The following C5orf34 variants were observed in gnomAD, a reference collection of about 807,000 sequenced individuals.
C5orf34 encodes chromosome 5 open reading frame 34.
In C5orf34, 73 loss-of-function variants were observed where a neutral mutation model predicts 78.4. The ratio of observed to expected loss-of-function variants is 0.93; its 90% confidence interval spans 0.77 to 1.13. C5orf34 has a LOEUF of 1.13. Ranked by LOEUF, C5orf34 falls within the 50% of genes most tolerant of loss-of-function variation. The pLI is 0.00. For missense variants in C5orf34, 730 were observed against 732.7 expected (o/e 1.00, Z 0.04); for synonymous variants, 251 against 246.6 (o/e 1.02, Z -0.17).
At chr5:43,489,578 C>T (rs1745197861) in intron 11 of C5orf34, among the ~76,000 whole-genome samples, 2 of 152,078 alleles carry the variant, frequency 1.3e-5, no homozygotes, top group Non-Finnish European at 2.9e-5. Context: ...TACAATTTTC[C>T]TTCCATCACA....
chr5:43,498,908 G>T (rs1745650332), intron 6 of C5orf34, among the ~76,000 whole-genome samples: 1 of 152,068 alleles, frequency 6.6e-6, no homozygotes, highest in Non-Finnish European at 1.5e-5. Flanking sequence ...TCTATGTTTT[G>T]GCCTACCAAA....
At chr5:43,511,822 T>G (rs1746272923) in intron 1 of C5orf34, among the ~76,000 whole-genome samples, 1 of 152,152 alleles carries the variant, frequency 6.6e-6, no homozygotes, top group Non-Finnish European at 1.5e-5. Flanking sequence ...AACAGATGCT[T>G]GAAGGCAGCA....
chr5:43,493,993 A>G (rs1561208354), intron 7 of C5orf34, among the ~76,000 whole-genome samples: 2 of 152,184 alleles, frequency 1.3e-5, no homozygotes, highest in Admixed American at 6.5e-5. Context: ...GCTTCTTCAA[A>G]TCTATTTTGG....
chr5:43,490,832 A>G, intron 10 of C5orf34, 103 bp from the exon 11 acceptor site: 1 of 634,230 alleles, frequency 1.6e-6, no homozygotes, highest in Non-Finnish European at 2.6e-6. Context: ...AAAAGGATAA[A>G]GAAAAAATGT....
At chr5:43,496,549 G>C in intron 6 of C5orf34, 1 of 914,488 alleles carries the variant, frequency 1.1e-6, no homozygotes, top group Non-Finnish European at 1.6e-6. Context: ...TAAAAATATA[G>C]AATTACTCCT....
In C5orf34 at chr5:43,486,910, A is replaced by G; in HGVS notation, c.*5T>C. 1 of 1,490,952 alleles carries G rather than the reference A, an allele frequency of 6.7e-7. No homozygotes were observed. Among genetic ancestry groups the G allele is most frequent in the Non-Finnish European group, 8.9e-7 (1 of 1,118,596 alleles). The allele number at this position is 1,490,952 out of a possible 1,614,324, so 92.4% of individuals were successfully genotyped here. A position where few individuals can be genotyped will look rare whatever the true frequency, so the allele number is the denominator to read the frequency against. On this transcript the variant is annotated 3_prime_UTR_variant, in exon 13 of 13. Coordinates refer to ENST00000306862, the MANE Select transcript of C5orf34 (RefSeq NM_198566.4). Reference sequence around the variant, plus strand: ...TTTAATAATATGTTGTAATAATTCCATTTTTCACTTTTTAGAGTTTGATAG... The same window carrying G: ...TTTAATAATATGTTGTAATAATTCCGTTTTTCACTTTTTAGAGTTTGATAG...
At chr5:43,495,663 G>A (rs911693586) in intron 6 of C5orf34, 51 of 1,581,334 alleles carry the variant, frequency 3.2e-5, no homozygotes, top group African/African-American at 1.5e-4. Flanking sequence ...GTCTCCACTC[G>A]GCCAACAGGA....
chr5:43,496,250 G>A (rs537839817), intron 6 of C5orf34: 26 of 1,580,628 alleles, frequency 1.6e-5, no homozygotes, highest in Admixed American at 3.3e-5. Flanking sequence ...GTGATACCAC[G>A]TTCACGCTCA....
intron 12 of C5orf34, 43 bp downstream of exon 12, chr5:43,487,866 A>C: frequency 7.0e-7 from 1 of 1,434,034 alleles, no homozygotes; most frequent in Non-Finnish European, 9.7e-7. Context: ...CTAGAATGAA[A>C]GAGAGTAATT....
intron 6 of C5orf34, among the ~76,000 whole-genome samples, chr5:43,496,854 G>A (rs756624200): frequency 5.9e-5 from 9 of 152,022 alleles, no homozygotes; most frequent in Non-Finnish European, 1.2e-4. Flanking sequence ...ACAGGCATGA[G>A]CCACTGTGCC....
chr5:43,505,728 A>C lies in C5orf34; in HGVS notation c.932+20T>G, dbSNP rs1485703874. ...GGTTCTGATAAAAAGCTTCATGACC[A>C]ATAGCCATTACTGCATTACCTGTGT... On this transcript the variant is annotated intron_variant, in intron 4 of 12. Coordinates refer to ENST00000306862, the MANE Select transcript of C5orf34 (RefSeq NM_198566.4). 1 of 1,521,444 alleles carries C rather than the reference A, an allele frequency of 6.6e-7. No individual in the cohort carries two copies. The highest frequency in any genetic ancestry group is 2.3e-5 in the East Asian group (1 of 43,960). 94.2% of individuals were successfully genotyped at this position (1,521,444 alleles called of 1,614,324 possible). A position where few individuals can be genotyped will look rare whatever the true frequency, so the allele number is the denominator to read the frequency against.
intron 9 of C5orf34, among the ~76,000 whole-genome samples, 162 bp downstream of exon 9, chr5:43,492,558 A>G (rs1745325840): frequency 6.6e-6 from 1 of 152,216 alleles, no homozygotes; most frequent in Non-Finnish European, 1.5e-5. Flanking sequence ...TATTTGTCAA[A>G]TCATTCTGAT....
At chr5:43,499,354 A>T (rs990991571) in intron 6 of C5orf34, among the ~76,000 whole-genome samples, 7 of 152,098 alleles carry the variant, frequency 4.6e-5, no homozygotes, top group East Asian at 1.9e-4. Flanking sequence ...TTCCTTCAGG[A>T]GTTGTTTCTG....
At chr5:43,495,118 A>G (rs1037556278) in intron 6 of C5orf34, 1 of 1,584,888 alleles carries the variant, frequency 6.3e-7, no homozygotes, top group Non-Finnish European at 8.7e-7. Context: ...TGACCTTGCC[A>G]CCTCCAGCAG....
intron 3 of C5orf34, among the ~76,000 whole-genome samples, chr5:43,507,598 C>T (rs984983337): frequency 3.3e-5 from 5 of 152,054 alleles, no homozygotes; most frequent in Non-Finnish European, 5.9e-5. Context: ...TCCTTTGCCA[C>T]GAGACAATAT....
intron 1 of C5orf34, among the ~76,000 whole-genome samples, chr5:43,509,966 G>C (rs1240730650): frequency 6.6e-6 from 1 of 152,078 alleles, no homozygotes; most frequent in Non-Finnish European, 1.5e-5. Flanking sequence ...TATTGGTCAG[G>C]CTGGTCTGGA....
At position 43,486,793 on chromosome 5, in the gene C5orf34, G is replaced by T. The variant is rs531304003; in HGVS notation, c.*122C>A. 105 of 450,566 alleles carry T rather than the reference G, an allele frequency of 2.3e-4. No homozygotes were observed. Among genetic ancestry groups the T allele is most frequent in the Non-Finnish European group, 3.8e-4 (99 of 258,140 alleles). 27.9% of individuals were successfully genotyped at this position (450,566 alleles called of 1,614,324 possible). On this transcript the variant is annotated 3_prime_UTR_variant, in exon 13 of 13. Transcript: ENST00000306862. ...AAAATACCTTCAAAGTTAAATGTCA[G>T]TTCTTTCACAATCATTGTGCCGGGG...
In C5orf34 at chr5:43,492,798, G is replaced by T; in HGVS notation, c.1407C>A (p.Asp469Glu). 6.2e-7 allele frequency: 1 copy of T among 1,613,100 alleles called. No homozygotes were observed. Among genetic ancestry groups the T allele is most frequent in the Non-Finnish European group, 8.5e-7 (1 of 1,179,332 alleles). ...SVGRFLAYSD[D>E]KVHAIFLDGI... is the part of the protein sequence containing the mutation. ...CATCTAAAAAGATAGCATGTACTTT[G>T]TCATCAGAGTAGGCAAGAAATCTTC... Residue 469 changes from aspartate to glutamate, a missense_variant, in exon 9 of 13, where the codon GAC (aspartate) becomes GAA (glutamate). Asp to Glu is a conservative substitution (Grantham distance 45). Transcript: ENST00000306862.
intron 11 of C5orf34, chr5:43,488,214 A>C: frequency 2.2e-6 from 1 of 463,444 alleles, no homozygotes; most frequent in Non-Finnish European, 3.9e-6. Flanking sequence ...ATGTTTGAGG[A>C]TAATGGGCCT....
Sources: allele counts gnomAD v4.1 joint callset (sites outside exome capture counted in the v4.1 genomes callset), GRCh38; gene constraint gnomAD v4.1.1; transcripts MANE v1.5; gene names NCBI Gene and HGNC (gene_info 2026-07-23, HGNC 2026-07-21).